Variants in JPT2 observed in about 807,000 individuals in gnomAD.
JPT2 encodes CRAMP_1 like.
Under a neutral mutation model 15.9 loss-of-function variants are expected in JPT2, and 9 were observed. That is an observed-to-expected ratio of 0.57 (90% CI 0.34 to 0.99). The LOEUF (loss-of-function observed/expected upper bound fraction) is 0.99. Among genes scored for constraint, JPT2 ranks in the 50% least tolerant of loss-of-function variants. The pLI, the probability that JPT2 is intolerant of heterozygous loss-of-function variation, is 0.02. For missense variants in JPT2, 267 were observed against 252.1 expected (o/e 1.06, Z -0.40); for synonymous variants, 95 against 91.7 (o/e 1.04, Z -0.21).
At chr16:1,679,532 A>G (rs2037003773) in intron 1 of JPT2, among the ~76,000 whole-genome samples, 1 of 151,848 alleles carries the variant, frequency 6.6e-6, no homozygotes, top group Admixed American at 6.6e-5. Context: ...CCCCGTCTCT[A>G]CTAAAAATGC....
At chr16:1,687,123 C>T (rs1335372349) in intron 2 of JPT2, among the ~76,000 whole-genome samples, 2 of 152,132 alleles carry the variant, frequency 1.3e-5, no homozygotes, top group Non-Finnish European at 2.9e-5. Context: ...GCTGGGACTA[C>T]GGGCGTATGC....
At chr16:1,679,944 A>G (rs1026806796) in intron 1 of JPT2, among the ~76,000 whole-genome samples, 1 of 152,002 alleles carries the variant, frequency 6.6e-6, no homozygotes, top group Non-Finnish European at 1.5e-5. Flanking sequence ...CTGTAGTCCC[A>G]GTTCCTTGAG....
chr16:1,683,497 C>G (rs1261431346), intron 1 of JPT2: 31 of 1,523,180 alleles, frequency 2.0e-5, no homozygotes, highest in Non-Finnish European at 2.5e-5. Flanking sequence ...TCTCCCTCCT[C>G]AAATCCTCCA....
Position 1,691,825 on chromosome 16 carries a change from C to G in JPT2, c.194-18C>G. On this transcript the variant is annotated intron_variant, in intron 2 of 4. Transcript: ENST00000248098. Reference sequence around the variant, plus strand: ...GGTGGACGTCTGGTTGCTCAGTGTTCTGTGATCGTTTCTGCAGGGGGTAAA... The same window carrying G: ...GGTGGACGTCTGGTTGCTCAGTGTTGTGTGATCGTTTCTGCAGGGGGTAAA... The G allele has an allele frequency of 6.2e-7, 1 of 1,609,980 alleles. No individual in the cohort carries two copies. The highest frequency in any genetic ancestry group is 8.5e-7 in the Non-Finnish European group (1 of 1,178,422).
intron 3 of JPT2, among the ~76,000 whole-genome samples, chr16:1,692,992 C>T (rs990881978): frequency 6.6e-6 from 1 of 152,210 alleles, no homozygotes; most frequent in Non-Finnish European, 1.5e-5. Flanking sequence ...TTGGATTGCC[C>T]TACATCTCTC....
rs1309312105 is a variant in JPT2 at position 1,700,047 on chromosome 16, T to C, written c.*1049T>C. ...CAGCTTTACATAAATGATTGTTGAC[T>C]CTGGTCTGTTTCTGACACCTTTCCA... On this transcript the variant is annotated 3_prime_UTR_variant, in exon 5 of 5. Coordinates refer to ENST00000248098, the MANE Select transcript of JPT2 (RefSeq NM_144570.3). 1 of 416,702 alleles carries C rather than the reference T, an allele frequency of 2.4e-6. No individual in the cohort carries two copies. Among genetic ancestry groups the C allele is most frequent in the Admixed American group, 2.6e-5 (1 of 37,804 alleles). 25.8% of individuals were successfully genotyped at this position (416,702 alleles called of 1,614,324 possible). A position where few individuals can be genotyped will look rare whatever the true frequency, so the allele number is the denominator to read the frequency against.
intron 1 of JPT2, among the ~76,000 whole-genome samples, chr16:1,678,746 G>A (rs1051975717): frequency 6.6e-6 from 1 of 151,934 alleles, no homozygotes; most frequent in African/African-American, 2.4e-5. Flanking sequence ...CATTTTGTCT[G>A]TGGGATGCGT....
intron 3 of JPT2, chr16:1,692,234 C>G: frequency 1.9e-6 from 1 of 528,280 alleles, no homozygotes; most frequent in Non-Finnish European, 3.4e-6. Context: ...CCACTGCAGA[C>G]GGGCTGTGGC....
intron 1 of JPT2, among the ~76,000 whole-genome samples, chr16:1,679,424 G>C (rs1490547045): frequency 6.6e-6 from 1 of 152,204 alleles, no homozygotes; most frequent in Non-Finnish European, 1.5e-5. Context: ...GGCCGGGCGT[G>C]GTGGCTCACA....
Position 1,678,285 on chromosome 16 carries a change from C to G in JPT2, c.-28C>G, listed in dbSNP as rs1021617232. 2 of 1,235,400 alleles carry G rather than the reference C, an allele frequency of 1.6e-6. No homozygotes were observed. Among genetic ancestry groups the G allele is most frequent in the African/African-American group, 1.6e-5 (1 of 64,176 alleles). 76.5% of individuals were successfully genotyped at this position (1,235,400 alleles called of 1,614,324 possible). A position where few individuals can be genotyped will look rare whatever the true frequency, so the allele number is the denominator to read the frequency against. ...GCGCTGGGCGGGCGGGAACGGCGCGCGGCGAGCTGAGGGTGGCGGCGGTCG... is the reference window on the plus strand; with the variant it reads ...GCGCTGGGCGGGCGGGAACGGCGCGGGGCGAGCTGAGGGTGGCGGCGGTCG... On this transcript the variant is annotated 5_prime_UTR_variant, in exon 1 of 5. Transcript: ENST00000248098.
chr16:1,697,542 A>C (rs1182129074), intron 3 of JPT2, among the ~76,000 whole-genome samples: 1 of 151,906 alleles, frequency 6.6e-6, no homozygotes, highest in Non-Finnish European at 1.5e-5. Context: ...TGACTTTGAT[A>C]TTTAAGGAAT....
chr16:1,680,407 G>T (rs1231290943), intron 1 of JPT2: 1 of 1,146,424 alleles, frequency 8.7e-7, no homozygotes, highest in African/African-American at 1.6e-5. Flanking sequence ...CTACCCTGGG[G>T]GACTGGTTTC....
chr16:1,682,188 C>T (rs1451476671), intron 1 of JPT2, among the ~76,000 whole-genome samples: 7 of 151,606 alleles, frequency 4.6e-5, no homozygotes, highest in South Asian at 4.2e-4. Context: ...CCAGCCTGGC[C>T]GACGTGGTGA....
chr16:1,682,762 C>T (rs1240397774), intron 1 of JPT2, among the ~76,000 whole-genome samples: 1 of 152,118 alleles, frequency 6.6e-6, no homozygotes, highest in Non-Finnish European at 1.5e-5. Context: ...TCTAAGAGCA[C>T]CTCACCTAAA....
intron 2 of JPT2, chr16:1,688,794 G>A (rs1464068527): frequency 6.6e-6 from 1 of 152,110 alleles, no homozygotes; most frequent in African/African-American, 2.4e-5. Context: ...AACATCTCTC[G>A]AGTTTATCTT....
Position 1,699,301 on chromosome 16 carries a change from A to T in JPT2, c.*303A>T, listed in dbSNP as rs559591190. ...AGGTGGGGCAGGGCATGGTCCTTGG[A>T]TCAACAGCCCGCCAGCTGATTGGAT... On this transcript the variant is annotated 3_prime_UTR_variant, in exon 5 of 5. Transcript: ENST00000248098. The T allele has an allele frequency of 2.8e-4, 163 of 575,298 alleles. 2 individuals are homozygous for T. The East Asian group carries it at 3.1e-3, about 11-fold the overall frequency. The allele number at this position is 575,298 out of a possible 1,614,324, so 35.6% of individuals were successfully genotyped here.
chr16:1,695,170 C>A (rs1448236158), intron 3 of JPT2, among the ~76,000 whole-genome samples: 3 of 152,104 alleles, frequency 2.0e-5, no homozygotes, highest in South Asian at 4.1e-4. Context: ...CCTTGGGAGG[C>A]CGAGGCAGGC....
intron 1 of JPT2, among the ~76,000 whole-genome samples, chr16:1,682,535 G>T (rs2037031534): frequency 1.3e-5 from 2 of 152,156 alleles, no homozygotes; most frequent in Admixed American, 6.5e-5. Flanking sequence ...AGCTGGGCAT[G>T]GTGGCGGGCA....
At chr16:1,692,016 G>A in intron 3 of JPT2, 31 bp downstream of exon 3, 2 of 1,612,340 alleles carry the variant, frequency 1.2e-6, no homozygotes, top group Non-Finnish European at 1.7e-6. Flanking sequence ...TGACAGCGCA[G>A]CAGCGGGTAT....
Sources: gnomAD v4.1 joint callset for allele counts (sites outside exome capture counted in the v4.1 genomes callset) on GRCh38, gnomAD v4.1.1 for gene constraint, MANE v1.5 for transcripts, NCBI Gene and HGNC (gene_info 2026-07-23, HGNC 2026-07-21) for gene names.